AP3B2: variants seen among roughly 807,000 people sequenced by gnomAD.
The protein encoded by AP3B2 is AP-3 complex subunit beta-2.
Under a neutral mutation model 126.9 loss-of-function variants are expected in AP3B2, and 50 were observed. That is an observed-to-expected ratio of 0.39 (90% CI 0.31 to 0.50). The LOEUF (loss-of-function observed/expected upper bound fraction) is 0.50. Ranked by LOEUF, AP3B2 falls within the 20% of genes least tolerant of loss-of-function variation. The probability of loss-of-function intolerance (pLI) is 0.79; values close to 1 mark genes in which losing one functional copy is unlikely to be tolerated. For synonymous variants in AP3B2, 541 were observed against 565.0 expected, an observed-to-expected ratio of 0.96 and a Z score of 0.60; for missense variants, 1,177 against 1,426.4, an observed-to-expected ratio of 0.83 and a Z score of 2.82.
Position 82,694,202 on chromosome 15 carries a change from G to C in AP3B2, c.114-4749C>G, listed in dbSNP as rs574312425. Reference sequence around the variant, plus strand: ...GTATTTTTAGTAGAGTTGGGGTTTCGCCATGTTGACCAGGCTGGTCTCAAA... The same window carrying C: ...GTATTTTTAGTAGAGTTGGGGTTTCCCCATGTTGACCAGGCTGGTCTCAAA... On this transcript the variant is annotated intron_variant, in intron 1 of 26. Coordinates refer to ENST00000535359, the MANE Select transcript of AP3B2 (RefSeq NM_001278512.2). 4.8e-5 allele frequency among the ~76,000 whole-genome samples: 7 copies of C among 145,018 alleles called. No homozygotes were observed. The South Asian group carries it at 1.6e-3, about 32-fold the overall frequency.
chr15:82,689,272 G>C (rs766541861), intron 2 of AP3B2, 40 bp from the exon 3 acceptor site: 12 of 1,612,598 alleles, frequency 7.4e-6, no homozygotes, highest in African/African-American at 1.3e-5. Context: ...GGGACAAAGC[G>C]AGAGGCACAG....
chr15:82,659,591 A>G lies in AP3B2; in HGVS notation c.3275T>C (p.Val1092Ala). The G allele has an allele frequency of 1.2e-6, 2 of 1,613,864 alleles. No homozygotes were observed. The highest frequency in any genetic ancestry group is 1.7e-6 in the Non-Finnish European group (2 of 1,179,870). ...GGTCAGAGCCTGTATCACATCCTTT[A>G]CCAGCATGGTGCCAATCACCATTTT... is the stretch of plus-strand genomic sequence containing the variant. Reference protein sequence around the residue: ...SEKMVIGTMLVKDVIQALTQ With the variant: ...SEKMVIGTMLAKDVIQALTQ The change falls in exon 27 of 27, where the codon GTA becomes GCA. Residue 1092 changes from valine to alanine, a missense_variant. By Grantham distance (64) the Val-to-Ala change is moderately conservative. Coordinates refer to ENST00000535359, the MANE Select transcript of AP3B2 (RefSeq NM_001278512.2).
Position 82,664,982 on chromosome 15 carries a change from G to T in AP3B2, c.2029-39C>A. ...TAGGGTGCAGGGTCATTTCATCATG[G>T]TTGGGGAGAAGGCAGGCAGGCACAA... On this transcript the variant is annotated intron_variant, in intron 17 of 26. Coordinates refer to ENST00000535359, the MANE Select transcript of AP3B2 (RefSeq NM_001278512.2). The surrounding 1 kb of genome is among the most constrained non-coding windows in gnomAD (Gnocchi z 4.5). 1 of 1,488,038 alleles carries T rather than the reference G, an allele frequency of 6.7e-7. No homozygotes were observed. Among genetic ancestry groups the T allele is most frequent in the Non-Finnish European group, 9.3e-7 (1 of 1,080,644 alleles). 92.2% of individuals were successfully genotyped at this position (1,488,038 alleles called of 1,614,324 possible). A position where few individuals can be genotyped will look rare whatever the true frequency, so the allele number is the denominator to read the frequency against.
At chr15:82,696,052 C>T (rs1424872306) in intron 1 of AP3B2, among the ~76,000 whole-genome samples, 1 of 152,182 alleles carries the variant, frequency 6.6e-6, no homozygotes, top group Non-Finnish European at 1.5e-5. Context: ...TCTGTCTTCA[C>T]ATGGTCTTCC....
rs1299874903 is a variant in AP3B2 at position 82,680,585 on chromosome 15, C to T, written c.942G>A (p.Gln314=). ...CCATCACCACCGCGGCGCTGCGGCT[C>T]TGCAGCAGGGGTTTGGTGTTGCGCA... The part of the protein sequence containing the change: ...LLLRNTKPLL[Q]SRSAAVVMAV... Residue 314 remains glutamine, a synonymous_variant, in exon 8 of 27, where the codon CAG becomes CAA. Transcript: ENST00000535359. This position sits in a 1 kb window ranked among gnomAD's most constrained non-coding sequence, Gnocchi z 6.1. The T allele has an allele frequency of 6.3e-7, 1 of 1,592,874 alleles. No individual in the cohort carries two copies. The highest frequency in any genetic ancestry group is 2.2e-5 in the East Asian group (1 of 44,554).
In AP3B2 at chr15:82,677,711, G is replaced by A. The variant is rs2048266664; in HGVS notation, c.1338C>T (p.Thr446=). The A allele has an allele frequency of 6.3e-7, 1 of 1,597,132 alleles. No homozygotes were observed. Among genetic ancestry groups the A allele is most frequent in the Non-Finnish European group, 8.5e-7 (1 of 1,171,806 alleles). Residue 446 remains threonine (T), a synonymous_variant, in exon 12 of 27, where the codon ACC becomes ACT. Transcript: ENST00000535359. ...GCAGCTGCACCAGGCCATTGAGGCAGGTGTCACGGACTCGGCCGATGTTAG... is the reference window on the plus strand; with the variant it reads ...GCAGCTGCACCAGGCCATTGAGGCAAGTGTCACGGACTCGGCCGATGTTAG... ...CATNIGRVRD[T]CLNGLVQLLS...
Position 82,665,392 on chromosome 15 carries a change from C to CAT in AP3B2, c.1971+64_1971+65insAT. 9.7e-6 allele frequency: 2 copies of CAT among 205,478 alleles called. No homozygotes were observed. The highest frequency in any genetic ancestry group is 9.6e-5 in the African/African-American group (2 of 20,786). The allele number at this position is 205,478 out of a possible 1,614,324, so 12.7% of individuals were successfully genotyped here. On this transcript the variant is annotated intron_variant, in intron 16 of 26. Coordinates refer to ENST00000535359, the MANE Select transcript of AP3B2 (RefSeq NM_001278512.2). The surrounding 1 kb of genome is among the most constrained non-coding windows in gnomAD (Gnocchi z 4.4). ...GCCCCCACCAACACACACACACACA[C>CAT]ACACACACACACACACACACACACA... is the stretch of plus-strand genomic sequence containing the variant.
In AP3B2 at chr15:82,661,914, G is replaced by A. The variant is rs892298096; in HGVS notation, c.2927C>T (p.Thr976Ile). 3 of 1,613,664 alleles carry A rather than the reference G, an allele frequency of 1.9e-6. No individual in the cohort carries two copies. Among genetic ancestry groups the A allele is most frequent in the African/African-American group, 1.3e-5 (1 of 74,924 alleles). Residue 976 changes from threonine (T) to isoleucine (I), a missense_variant, in exon 25 of 27, where the codon ACC (threonine) becomes ATC (isoleucine). Physicochemically the swap from Thr to Ile is moderately conservative, Grantham distance 89. This residue lies in a region of AP3B2 where 587 missense variants were observed against 571.3 expected (regional missense o/e 1.03). Coordinates refer to ENST00000535359, the MANE Select transcript of AP3B2 (RefSeq NM_001278512.2). ...CTGAATGGAGACGTAGAACTGTCGG[G>A]TCTGGGTGCTGGGAGGGGTGGGAGG... is the stretch of plus-strand genomic sequence containing the variant. Reference protein sequence around the residue: ...QAANFQLCTQTRQFYVSIQPP... With the variant: ...QAANFQLCTQIRQFYVSIQPP...
intron 1 of AP3B2, among the ~76,000 whole-genome samples, chr15:82,705,444 C>G (rs970630152): frequency 1.3e-5 from 2 of 152,108 alleles, no homozygotes; most frequent in Non-Finnish European, 2.9e-5. Flanking sequence ...CTCATATACT[C>G]TCCTCCTCAA....
At chr15:82,675,850 C>A (rs2048233520) in intron 14 of AP3B2, among the ~76,000 whole-genome samples, 1 of 152,174 alleles carries the variant, frequency 6.6e-6, no homozygotes, top group South Asian at 2.1e-4. Context: ...CCTTGAAAAG[C>A]TCAGCACATT....
intron 21 of AP3B2, 159 bp downstream of exon 21, chr15:82,663,401 G>GGTT: frequency 9.9e-7 from 1 of 1,007,882 alleles, no homozygotes; most frequent in Non-Finnish European, 1.5e-6. Context: ...CCAGACCTGG[G>GGTT]GAGGTCAGCC....
At chr15:82,671,793 C>T (rs891334726) in intron 14 of AP3B2, among the ~76,000 whole-genome samples, 2 of 151,020 alleles carry the variant, frequency 1.3e-5, no homozygotes, top group Non-Finnish European at 2.9e-5. Context: ...CCTGTAATCC[C>T]AGCACTTTGG....
intron 24 of AP3B2, 40 bp downstream of exon 24, chr15:82,662,128 C>T: frequency 6.5e-7 from 1 of 1,536,798 alleles, no homozygotes; most frequent in Admixed American, 1.9e-5. Context: ...TGTCCCTTTC[C>T]AGCCCATCCT....
rs2048851912 is a variant in AP3B2 at position 82,709,644 on chromosome 15, C to T, written c.63G>A (p.Glu21=). The stretch of plus-strand genomic sequence containing the variant: ...CGCCGCTCGCGGGGTCGTGGCCGTA[C>T]TCGGGCTCCCCGGGGCCAGCGGAGC... ...KGGSAGPGEP[E]YGHDPASGGI... Residue 21 remains glutamate (E), a synonymous_variant, in exon 1 of 27, where the codon GAG becomes GAA. Coordinates refer to ENST00000535359, the MANE Select transcript of AP3B2 (RefSeq NM_001278512.2). 2.0e-6 allele frequency: 3 copies of T among 1,520,918 alleles called. No individual in the cohort carries two copies. Among genetic ancestry groups the T allele is most frequent in the Non-Finnish European group, 2.6e-6 (3 of 1,137,276 alleles). 94.2% of individuals were successfully genotyped at this position (1,520,918 alleles called of 1,614,324 possible).
Position 82,659,354 on chromosome 15 carries a change from G to A in AP3B2, c.*206C>T. 1 of 550,334 alleles carries A rather than the reference G, an allele frequency of 1.8e-6. No homozygotes were observed. The highest frequency in any genetic ancestry group is 3.1e-6 in the Non-Finnish European group (1 of 318,038). The allele number at this position is 550,334 out of a possible 1,614,324, so 34.1% of individuals were successfully genotyped here. ...TCTGGGAGGACTGAAGGGAGTGGCT[G>A]CCATCTCTCTCTGCACAGATCACTA... On this transcript the variant is annotated 3_prime_UTR_variant, in exon 27 of 27. Transcript: ENST00000535359.
At chr15:82,663,488 G>A (rs143543122) in intron 21 of AP3B2, 72 bp downstream of exon 21, 184 of 1,520,922 alleles carry the variant, frequency 1.2e-4, no homozygotes, top group African/African-American at 3.4e-4. Flanking sequence ...CCGATCCAGA[G>A]TCCCTATGGG....
Position 82,664,733 on chromosome 15 carries a change from C to T in AP3B2, c.2137+102G>A. 1 of 1,010,070 alleles carries T rather than the reference C, an allele frequency of 9.9e-7. No homozygotes were observed. The highest frequency in any genetic ancestry group is 1.5e-6 in the Non-Finnish European group (1 of 685,416). The allele number at this position is 1,010,070 out of a possible 1,614,324, so 62.6% of individuals were successfully genotyped here. ...TGCACAAACAATTCACAAGCAGGTGCACACCCCTAGACACACAACCATATA... is the reference window on the plus strand; with the variant it reads ...TGCACAAACAATTCACAAGCAGGTGTACACCCCTAGACACACAACCATATA... On this transcript the variant is annotated intron_variant, in intron 18 of 26. Coordinates refer to ENST00000535359, the MANE Select transcript of AP3B2 (RefSeq NM_001278512.2). This position sits in a 1 kb window ranked among gnomAD's most constrained non-coding sequence, Gnocchi z 4.5.
At chr15:82,708,740 C>T (rs1348254068) in intron 1 of AP3B2, 1 of 152,432 alleles carries the variant, frequency 6.6e-6, no homozygotes, top group Non-Finnish European at 1.5e-5. Context: ...TCTCAACCTT[C>T]CTGAAAGCCC....
At chr15:82,697,653 T>C (rs1157081026) in intron 1 of AP3B2, among the ~76,000 whole-genome samples, 1 of 152,214 alleles carries the variant, frequency 6.6e-6, no homozygotes, top group African/African-American at 2.4e-5. Context: ...CCCAAAGAGA[T>C]TTTTGATGGA....
Sources: gnomAD v4.1 joint callset for allele counts (sites outside exome capture counted in the v4.1 genomes callset) on GRCh38, gnomAD v4.1.1 for gene constraint, gnomAD v4.1.1 regional missense constraint, Gnocchi (gnomAD v3.1) non-coding constraint, MANE v1.5 for transcripts, NCBI Gene and HGNC (gene_info 2026-07-23, HGNC 2026-07-21) for gene names.